Variants in FDFT1 observed in about 807,000 individuals in gnomAD.
FDFT1 encodes farnesyl-diphosphate farnesyltransferase 1, also known as squalene synthase.
A neutral mutation model predicts 46.8 loss-of-function variants in FDFT1; 68 were observed. That is an observed-to-expected ratio of 1.45 (90% CI 1.19 to 1.78). The LOEUF is 1.78. Ranked by LOEUF, FDFT1 falls within the 40% of genes most tolerant of loss-of-function variation. FDFT1 has a pLI of 0.00. For missense variants in FDFT1, 928 were observed against 524.4 expected (o/e 1.77, Z -7.52); for synonymous variants, 351 against 185.1 (o/e 1.90, Z -7.28).
chr8:11,803,043 G>A, intron 1 of FDFT1, 112 bp downstream of exon 1: 3 of 1,474,854 alleles, frequency 2.0e-6, no homozygotes, highest in East Asian at 2.5e-5. Context: ...GAGCAGGGCC[G>A]ACGCCTGGGT....
At chr8:11,833,419 C>T (rs1811129284) in intron 7 of FDFT1, among the ~76,000 whole-genome samples, 1 of 152,134 alleles carries the variant, frequency 6.6e-6, no homozygotes, top group Non-Finnish European at 1.5e-5. Flanking sequence ...ACTATTTATT[C>T]ATTTTATATA....
rs1232611503 is a variant in FDFT1, at chr8:11,809,816, A to G, written c.347A>G (p.Glu116Gly). 1 of 1,614,034 alleles carries G rather than the reference A, an allele frequency of 6.2e-7. No individual in the cohort carries two copies. Among genetic ancestry groups the G allele is most frequent in the African/African-American group, 1.3e-5 (1 of 75,028 alleles). Residue 116 changes from glutamate to glycine, a missense_variant, in exon 3 of 8, where the codon GAG (glutamate) becomes GGG (glycine). Transcript: ENST00000220584. ...GACTGGCGGTTCATGGAGAGCAAGG[A>G]GAAGGATCGCCAGGTGCTGGAGGAC... ...QPDWRFMESK[E>G]KDRQVLEDFP...
intron 4 of FDFT1, among the ~76,000 whole-genome samples, chr8:11,825,334 G>A (rs1809811775): frequency 6.6e-6 from 1 of 152,012 alleles, no homozygotes; most frequent in Non-Finnish European, 1.5e-5. Flanking sequence ...TTGAGGTCAG[G>A]AGTTCGAGAC....
At chr8:11,814,311 T>TA (rs1808145575) in intron 3 of FDFT1, among the ~76,000 whole-genome samples, 1 of 151,934 alleles carries the variant, frequency 6.6e-6, no homozygotes, top group Admixed American at 6.6e-5. Flanking sequence ...TTTTTTTTTT[T>TA]TTTTTTGGAG....
upstream of FDFT1, chr8:11,801,854 C>G (rs1445604306): frequency 7.1e-6 from 3 of 419,796 alleles, no homozygotes; most frequent in Admixed American, 5.4e-5. Context: ...CCACCACACT[C>G]GGCTTTTTTG....
chr8:11,813,162 T>C (rs1807971102), intron 3 of FDFT1, among the ~76,000 whole-genome samples: 2 of 152,188 alleles, frequency 1.3e-5, no homozygotes, highest in South Asian at 4.1e-4. Flanking sequence ...GTTACAGTCT[T>C]AAGGGCCCAC....
chr8:11,818,780 A>C (rs954247708), intron 3 of FDFT1, among the ~76,000 whole-genome samples: 1 of 152,154 alleles, frequency 6.6e-6, no homozygotes, highest in South Asian at 2.1e-4. Context: ...TGAATACAGC[A>C]CAGTGACGGG....
chr8:11,814,493 T>C (rs1293212278), intron 3 of FDFT1, among the ~76,000 whole-genome samples: 1 of 152,170 alleles, frequency 6.6e-6, no homozygotes, highest in Admixed American at 6.5e-5. Context: ...TATTGCATAC[T>C]TTCAATGTTT....
intron 3 of FDFT1, among the ~76,000 whole-genome samples, chr8:11,820,609 T>A (rs1809097760): frequency 6.6e-6 from 1 of 152,152 alleles, no homozygotes; most frequent in African/African-American, 2.4e-5. Context: ...AGCTCCAGCA[T>A]CCCAGCTTGA....
chr8:11,801,893 G>A (rs759851943), upstream of FDFT1: 16 of 448,980 alleles, frequency 3.6e-5, no homozygotes, highest in Non-Finnish European at 4.4e-6. Context: ...GTTTCACCAT[G>A]TTGGCCAGGA....
chr8:11,796,161 G>A (rs1212610107), intron 1 of FDFT1: 1 of 152,206 alleles, frequency 6.6e-6, no homozygotes, highest in East Asian at 1.9e-4. Context: ...GGCAATACAA[G>A]GCTAAACAAA....
At chr8:11,831,202 G>A (rs144568306) in intron 6 of FDFT1, among the ~76,000 whole-genome samples, 3 of 152,266 alleles carry the variant, frequency 2.0e-5, no homozygotes, top group East Asian at 1.9e-4. Flanking sequence ...TTTCCGATCC[G>A]ATAATCCATT....
upstream of FDFT1, among the ~76,000 whole-genome samples, chr8:11,797,707 G>A (rs1805707823): frequency 6.6e-6 from 1 of 151,358 alleles, no homozygotes; most frequent in South Asian, 2.1e-4. Flanking sequence ...ATAAAGGAGA[G>A]GCCAGGAAAC....
At chr8:11,796,561 G>A (rs1319195129) in intron 1 of FDFT1, among the ~76,000 whole-genome samples, 5 of 152,346 alleles carry the variant, frequency 3.3e-5, no homozygotes, top group Admixed American at 6.5e-5. Flanking sequence ...AGGCAGGGGA[G>A]TGGGAAGCTT....
At chr8:11,803,269 G>GT in intron 1 of FDFT1, 1 of 1,341,166 alleles carries the variant, frequency 7.5e-7, no homozygotes, top group Admixed American at 2.2e-5. Flanking sequence ...ATGTGGGTGG[G>GT]TTACGCGGGA....
At chr8:11,799,676 C>T (rs905939608), upstream of FDFT1, among the ~76,000 whole-genome samples, 1 of 151,706 alleles carries the variant, frequency 6.6e-6, no homozygotes, top group East Asian at 2.0e-4. Flanking sequence ...GGCTGGGAGC[C>T]GTGGCTCACG....
chr8:11,809,017 A>T, intron 2 of FDFT1, 126 bp downstream of exon 2: 1 of 1,429,488 alleles, frequency 7.0e-7, no homozygotes, highest in Non-Finnish European at 9.4e-7. Context: ...TATCCAGAAC[A>T]TAGCCCGGCC....
intron 7 of FDFT1, among the ~76,000 whole-genome samples, chr8:11,837,899 G>A (rs1248816226): frequency 6.6e-6 from 1 of 152,130 alleles, no homozygotes; most frequent in African/African-American, 2.4e-5. Flanking sequence ...GCACAGGGAG[G>A]ACTCCAGGGT....
intron 1 of FDFT1, among the ~76,000 whole-genome samples, chr8:11,805,062 G>A (rs993998847): frequency 1.4e-5 from 2 of 147,956 alleles, no homozygotes; most frequent in Non-Finnish European, 3.0e-5. Flanking sequence ...CTCCAGGCAC[G>A]TGTCACCAAT....
Sources: gnomAD v4.1 joint callset for allele counts (sites outside exome capture counted in the v4.1 genomes callset) on GRCh38, gnomAD v4.1.1 for gene constraint, MANE v1.5 for transcripts, NCBI Gene and HGNC (gene_info 2026-07-23, HGNC 2026-07-21) for gene names.